The following ELMO1 variants were observed in gnomAD, a reference collection of about 807,000 sequenced individuals.
ELMO1 encodes engulfment and cell motility protein 1.
In ELMO1, 26 loss-of-function variants were observed where a neutral mutation model predicts 98.9. The ratio of observed to expected loss-of-function variants is 0.26; its 90% CI spans 0.19 to 0.36. The LOEUF (loss-of-function observed/expected upper bound fraction) is 0.36. Among genes scored for constraint, ELMO1 ranks in the 10% least tolerant of loss-of-function variants. The pLI is 1.00. For synonymous variants in ELMO1, 346 were observed against 346.0 expected (o/e 1.00, Z 0.00); for missense variants, 627 against 935.2 (o/e 0.67, Z 4.30).
chr7:36,898,077 A>G (rs1806179047), intron 16 of ELMO1, among the ~76,000 whole-genome samples: 2 of 152,348 alleles, frequency 1.3e-5, no homozygotes, highest in South Asian at 4.1e-4. Flanking sequence ...GAAAGGTATC[A>G]TTAAATTTTT....
intron 8 of ELMO1, among the ~76,000 whole-genome samples, chr7:37,231,170 G>A (rs780439607): frequency 5.9e-5 from 9 of 152,110 alleles, no homozygotes; most frequent in Non-Finnish European, 1.0e-4. Flanking sequence ...GTGTTGAGAA[G>A]GCCCTGGGTT....
At chr7:37,264,162 T>C (rs1214126161) in intron 5 of ELMO1, among the ~76,000 whole-genome samples, 2 of 152,168 alleles carry the variant, frequency 1.3e-5, no homozygotes, top group Non-Finnish European at 2.9e-5. Flanking sequence ...GGTGGGAATA[T>C]GCGCAGTGGA....
chr7:37,362,512 C>T (rs1801737490), intron 1 of ELMO1, among the ~76,000 whole-genome samples: 1 of 152,148 alleles, frequency 6.6e-6, no homozygotes, highest in Non-Finnish European at 1.5e-5. Flanking sequence ...TTGTCTTTCT[C>T]CAGGCATCGC....
chr7:37,081,702 C>T (rs1403880915), intron 15 of ELMO1, among the ~76,000 whole-genome samples: 2 of 152,178 alleles, frequency 1.3e-5, no homozygotes, highest in African/African-American at 4.8e-5. Flanking sequence ...TCTCCCCAGA[C>T]AGGTGGAACT....
intron 15 of ELMO1, among the ~76,000 whole-genome samples, chr7:37,015,206 CG>C (rs926850551): frequency 6.7e-6 from 1 of 148,580 alleles, no homozygotes. Flanking sequence ...AGGAAGAGTC[CG>C]GGGGTGGGGT....
At chr7:37,092,307 C>T (rs1434882060) in intron 15 of ELMO1, among the ~76,000 whole-genome samples, 1 of 149,876 alleles carries the variant, frequency 6.7e-6, no homozygotes, top group Non-Finnish European at 1.5e-5. Flanking sequence ...CCTCACCTAA[C>T]TTTCAGTTTG....
chr7:37,066,958 C>T (rs1331061162), intron 15 of ELMO1, among the ~76,000 whole-genome samples: 2 of 152,140 alleles, frequency 1.3e-5, no homozygotes, highest in Non-Finnish European at 2.9e-5. Context: ...CAATAACCTA[C>T]AAGATTTTTG....
At chr7:37,162,314 T>TG (rs1789280709) in intron 13 of ELMO1, among the ~76,000 whole-genome samples, 1 of 152,094 alleles carries the variant, frequency 6.6e-6, no homozygotes, top group South Asian at 2.1e-4. Context: ...AGCTGCCTCG[T>TG]GGGGCACCAC....
intron 5 of ELMO1, among the ~76,000 whole-genome samples, chr7:37,268,665 C>A (rs149190738): frequency 6.6e-6 from 1 of 152,142 alleles, no homozygotes; most frequent in Non-Finnish European, 1.5e-5. Flanking sequence ...TTGTTTAACA[C>A]GGCCACTAGA....
At chr7:37,382,153 A>G (rs1034146382) in intron 1 of ELMO1, among the ~76,000 whole-genome samples, 3 of 152,196 alleles carry the variant, frequency 2.0e-5, no homozygotes, top group Non-Finnish European at 4.4e-5. Flanking sequence ...TACCTTTAAA[A>G]AAGAAAAGTT....
chr7:37,442,127 G>A (rs1805437172), intron 1 of ELMO1, among the ~76,000 whole-genome samples: 1 of 152,188 alleles, frequency 6.6e-6, no homozygotes, highest in African/African-American at 2.4e-5. Flanking sequence ...ACTGGCATTA[G>A]TGAACAGAGG....
chr7:37,417,548 C>A (rs188485258), intron 1 of ELMO1, among the ~76,000 whole-genome samples: 145 of 152,214 alleles, frequency 9.5e-4, no homozygotes, highest in African/African-American at 2.7e-3. Context: ...CTTGTAGTCC[C>A]AGCTACTCGG....
rs115438449 is a variant in ELMO1 at position 37,358,862 on chromosome 7, C to T, written c.-73-16099G>A. Among the ~76,000 whole-genome samples the T allele has an allele frequency of 6.2e-3, 943 of 152,122 alleles. 16 individuals carry two copies. The highest frequency in any genetic ancestry group is 0.021 in the African/African-American group (892 of 41,500). On this transcript the variant is annotated intron_variant, in intron 1 of 21. Transcript: ENST00000310758. ...ACAGACTGGCATGGGGCAAGGATGA[C>T]GGGGTAGGTTGGTAAGAAAGTGACT... is the stretch of plus-strand genomic sequence containing the variant.
intron 15 of ELMO1, among the ~76,000 whole-genome samples, chr7:37,059,155 C>T (rs1162644354): frequency 6.6e-6 from 1 of 152,144 alleles, no homozygotes; most frequent in African/African-American, 2.4e-5. Flanking sequence ...ATATATTTCC[C>T]ATATTGATGA....
intron 1 of ELMO1, among the ~76,000 whole-genome samples, chr7:37,424,277 T>C (rs1804615494): frequency 6.6e-6 from 1 of 152,230 alleles, no homozygotes. Context: ...TCCAGTCCAG[T>C]GGACTAAAAA....
At chr7:37,253,791 T>C (rs1200166989) in intron 6 of ELMO1, among the ~76,000 whole-genome samples, 1 of 151,700 alleles carries the variant, frequency 6.6e-6, no homozygotes, top group Non-Finnish European at 1.5e-5. Flanking sequence ...TGAATCTCAT[T>C]ATTCCTAAAA....
At chr7:36,973,977 G>A (rs534171015) in intron 16 of ELMO1, among the ~76,000 whole-genome samples, 5 of 149,494 alleles carry the variant, frequency 3.3e-5, no homozygotes, top group Admixed American at 6.6e-5. Context: ...GCCTTCCCGC[G>A]GGGCAGGGCT....
chr7:36,998,612 A>T (rs1000768603), intron 16 of ELMO1, among the ~76,000 whole-genome samples: 1 of 152,080 alleles, frequency 6.6e-6, no homozygotes, highest in Non-Finnish European at 1.5e-5. Flanking sequence ...AGTAAAAAAA[A>T]TTTTTAAGGA....
intron 7 of ELMO1, among the ~76,000 whole-genome samples, chr7:37,233,846 A>G (rs1453105415): frequency 2.0e-5 from 3 of 152,246 alleles, no homozygotes; most frequent in Non-Finnish European, 4.4e-5. Context: ...TTTCTGGCAT[A>G]TCGATGGAGA....
Sources: gnomAD v4.1 joint callset for allele counts (sites outside exome capture counted in the v4.1 genomes callset) on GRCh38, gnomAD v4.1.1 for gene constraint, MANE v1.5 for transcripts, NCBI Gene and HGNC (gene_info 2026-07-23, HGNC 2026-07-21) for gene names.